The following SNTB1 variants were observed in gnomAD, a reference collection of about 807,000 sequenced individuals.
SNTB1 encodes the protein syntrophin beta 1.
SNTB1 carries 36 observed loss-of-function variants against 48.9 expected under a neutral mutation model. That is an observed-to-expected ratio of 0.74 (90% CI 0.56 to 0.97). The LOEUF is 0.97. Ranked by LOEUF, SNTB1 falls within the 50% of genes least tolerant of loss-of-function variation. SNTB1 has a pLI of 0.00. For missense variants in SNTB1, 786 were observed against 703.4 expected (o/e 1.12, Z -1.33); for synonymous variants, 299 against 294.6 (o/e 1.01, Z -0.15).
chr8:120,726,259 T>C (rs1818754193), intron 1 of SNTB1, among the ~76,000 whole-genome samples: 1 of 152,238 alleles, frequency 6.6e-6, no homozygotes, highest in Non-Finnish European at 1.5e-5. Context: ...AAAACCTGAA[T>C]ATTATTTTAG....
At chr8:120,743,416 T>A (rs143575159) in intron 1 of SNTB1, among the ~76,000 whole-genome samples, 163 of 152,334 alleles carry the variant, frequency 1.1e-3, no homozygotes, top group African/African-American at 3.9e-3. Flanking sequence ...CTGGCCAGCA[T>A]TACTCATGTT....
rs1182236730 is a variant in SNTB1, at chr8:120,575,176, G to C, written c.1046C>G (p.Thr349Ser). The C allele has an allele frequency of 1.1e-5, 17 of 1,614,126 alleles. No individual in the cohort carries two copies. The highest frequency in any genetic ancestry group is 1.4e-5 in the Non-Finnish European group (16 of 1,180,016). Residue 349 changes from threonine (T) to serine (S), a missense_variant, in exon 4 of 7, where the codon ACT becomes AGT. Thr to Ser is a moderately conservative substitution (Grantham distance 58). Coordinates refer to ENST00000517992, the MANE Select transcript of SNTB1 (RefSeq NM_021021.4). Reference protein sequence around the residue: ...KQWKPALVVLTEKDLLIYDSM... With the variant: ...KQWKPALVVLSEKDLLIYDSM... ...GTCATAGATTAAAAGGTCTTTCTCA[G>C]TCAGCACAACCAGGGCTGGTTTCCA...
At chr8:120,726,553 A>C (rs1330570151) in intron 1 of SNTB1, among the ~76,000 whole-genome samples, 1 of 152,246 alleles carries the variant, frequency 6.6e-6, no homozygotes, top group African/African-American at 2.4e-5. Context: ...ATTTTGAAAT[A>C]GACTCCTGTT....
At chr8:120,692,259 G>T (rs1028156863) in intron 2 of SNTB1, among the ~76,000 whole-genome samples, 14 of 152,158 alleles carry the variant, frequency 9.2e-5, no homozygotes, top group South Asian at 2.1e-4. Flanking sequence ...TGAGCTGGGA[G>T]CCAAGGAAGC....
chr8:120,568,064 A>G (rs1586999269), intron 4 of SNTB1, among the ~76,000 whole-genome samples: 2 of 152,198 alleles, frequency 1.3e-5, no homozygotes, highest in Non-Finnish European at 2.9e-5. Context: ...TTGAACTTAG[A>G]TAAGTGGCTA....
chr8:120,601,357 G>A (rs1254899530), intron 3 of SNTB1, among the ~76,000 whole-genome samples: 1 of 152,114 alleles, frequency 6.6e-6, no homozygotes, highest in Non-Finnish European at 1.5e-5. Context: ...GATATTCTGA[G>A]ACAGCTTACT....
intron 1 of SNTB1, among the ~76,000 whole-genome samples, chr8:120,779,108 A>C (rs1345002829): frequency 1.3e-5 from 2 of 152,208 alleles, no homozygotes; most frequent in African/African-American, 4.8e-5. Context: ...TCAGGCTATG[A>C]AGTTTCAGTC....
rs560526146 is a variant in SNTB1, at chr8:120,784,325, C to A, written c.571+26948G>T. On this transcript the variant is annotated intron_variant, in intron 1 of 6. Transcript: ENST00000517992. ...ATTTTTTTTAAAGGGATTTGAGTATCCAATGATTATGGTATCCAAGGGAGT... is the reference window on the plus strand; with the variant it reads ...ATTTTTTTTAAAGGGATTTGAGTATACAATGATTATGGTATCCAAGGGAGT... Among the ~76,000 whole-genome samples, 4 of 152,028 alleles carry A rather than the reference C, an allele frequency of 2.6e-5. No homozygotes were observed. In the South Asian group the frequency reaches 8.3e-4, roughly 32 times the overall value.
intron 1 of SNTB1, among the ~76,000 whole-genome samples, chr8:120,766,116 G>T (rs1355187502): frequency 6.6e-6 from 1 of 152,108 alleles, no homozygotes; most frequent in Non-Finnish European, 1.5e-5. Context: ...CTGTGAAAAT[G>T]ACAAGAAGAG....
At chr8:120,742,337 A>G (rs1428251487) in intron 1 of SNTB1, among the ~76,000 whole-genome samples, 2 of 152,336 alleles carry the variant, frequency 1.3e-5, no homozygotes, top group East Asian at 1.9e-4. Context: ...TTTTCATGAG[A>G]TATCAGTAAA....
At chr8:120,635,951 C>T in intron 2 of SNTB1, 1 of 539,542 alleles carries the variant, frequency 1.9e-6, no homozygotes, top group Non-Finnish European at 3.2e-6. Flanking sequence ...TTCTCCAAAG[C>T]TTTCAGATAT....
Position 120,771,670 on chromosome 8 carries a change from C to T in SNTB1, c.571+39603G>A, listed in dbSNP as rs1406925623. ...ATAGAAAAACATGCTTAAAACAAAA[C>T]GAAACCATGCCTCTTTTTTTTTTTT... On this transcript the variant is annotated intron_variant, in intron 1 of 6. Transcript: ENST00000517992. Among the ~76,000 whole-genome samples, 7 of 151,104 alleles carry T rather than the reference C, an allele frequency of 4.6e-5. No individual in the cohort carries two copies. In the East Asian group the frequency reaches 7.8e-4, roughly 17 times the overall value.
intron 1 of SNTB1, among the ~76,000 whole-genome samples, chr8:120,778,182 A>C (rs1399799916): frequency 2.0e-5 from 3 of 152,226 alleles, no homozygotes; most frequent in Non-Finnish European, 4.4e-5. Flanking sequence ...CATTAAGTTC[A>C]CTTCGGGCTT....
At chr8:120,714,878 C>T (rs900121644) in intron 1 of SNTB1, among the ~76,000 whole-genome samples, 6 of 152,138 alleles carry the variant, frequency 3.9e-5, no homozygotes, top group South Asian at 2.1e-4. Context: ...TCTGTTCTTA[C>T]ATTCAACACA....
At chr8:120,785,718 C>CT (rs1327506347) in intron 1 of SNTB1, among the ~76,000 whole-genome samples, 1 of 152,090 alleles carries the variant, frequency 6.6e-6, no homozygotes, top group Non-Finnish European at 1.5e-5. Context: ...GCCTGAGACC[C>CT]CAGAGTACCT....
At chr8:120,653,969 A>G (rs1392410531) in intron 2 of SNTB1, among the ~76,000 whole-genome samples, 4 of 141,012 alleles carry the variant, frequency 2.8e-5, no homozygotes, top group Non-Finnish European at 6.1e-5. Flanking sequence ...GAACCCGGAA[A>G]GCGGAGCTTG....
rs140649002 is a variant in SNTB1, at chr8:120,654,274, C to T, written c.789-21623G>A. Among the ~76,000 whole-genome samples the T allele has an allele frequency of 3.4e-3, 523 of 151,916 alleles. 3 individuals carry two copies. Among genetic ancestry groups the T allele is most frequent in the African/African-American group, 0.012 (500 of 41,406 alleles). ...CAACTTCCTTGCTGGCTGATGAGCC[C>T]TACATTTCTGGAACTAGGAAAAAAG... is the stretch of plus-strand genomic sequence containing the variant. On this transcript the variant is annotated intron_variant, in intron 2 of 6. Transcript: ENST00000517992.
In SNTB1 at chr8:120,598,326, A is replaced by G. The variant is rs530647676; in HGVS notation, c.997-23101T>C. Reference sequence around the variant, plus strand: ...TTCATCCTCATCTCTGCACATTTGCATATAACAGAGCCCCTATCTGTAACA... The same window carrying G: ...TTCATCCTCATCTCTGCACATTTGCGTATAACAGAGCCCCTATCTGTAACA... On this transcript the variant is annotated intron_variant, in intron 3 of 6. Coordinates refer to ENST00000517992, the MANE Select transcript of SNTB1 (RefSeq NM_021021.4). Among the ~76,000 whole-genome samples the G allele has an allele frequency of 2.6e-5, 4 of 152,308 alleles. No homozygotes were observed. In the South Asian group the frequency reaches 8.3e-4, roughly 32 times the overall value.
At chr8:120,685,487 C>A (rs1818015049) in intron 2 of SNTB1, among the ~76,000 whole-genome samples, 1 of 152,192 alleles carries the variant, frequency 6.6e-6, no homozygotes, top group Non-Finnish European at 1.5e-5. Context: ...GCCACTTGAG[C>A]CACAACTGGG....
Sources: gnomAD v4.1 joint callset for allele counts (sites outside exome capture counted in the v4.1 genomes callset) on GRCh38, gnomAD v4.1.1 for gene constraint, MANE v1.5 for transcripts, NCBI Gene and HGNC (gene_info 2026-07-23, HGNC 2026-07-21) for gene names.